The following CCNY variants were observed in gnomAD, a reference collection of about 807,000 sequenced individuals.
CCNY encodes cyclin-Y.
In CCNY, 19 loss-of-function variants were observed where a neutral mutation model predicts 42.8. That is an observed-to-expected ratio of 0.44 (90% CI 0.31 to 0.65). The LOEUF is 0.65. Ranked by LOEUF, CCNY falls within the 30% of genes least tolerant of loss-of-function variation. The pLI, the probability that CCNY is intolerant of heterozygous loss-of-function variation, is 0.07. For missense variants in CCNY, 370 were observed against 437.3 expected (o/e 0.85, Z 1.37); for synonymous variants, 165 against 162.7 (o/e 1.01, Z -0.11).
chr10:35,454,650 C>A (rs931283863), intron 1 of CCNY, among the ~76,000 whole-genome samples: 1 of 152,214 alleles, frequency 6.6e-6, no homozygotes, highest in Non-Finnish European at 1.5e-5. Context: ...TGCCTTTAAC[C>A]AGCCAGTGGG....
At chr10:35,478,725 A>G (rs1027648349) in intron 1 of CCNY, among the ~76,000 whole-genome samples, 4 of 152,226 alleles carry the variant, frequency 2.6e-5, no homozygotes, top group African/African-American at 4.8e-5. Context: ...GGACATAGGC[A>G]TGGGCAAGGA....
chr10:35,560,681 C>T (rs919860389), intron 8 of CCNY, among the ~76,000 whole-genome samples: 2 of 152,210 alleles, frequency 1.3e-5, no homozygotes, highest in Admixed American at 6.5e-5. Flanking sequence ...AATCTACATT[C>T]TAGGAGCTGC....
intron 2 of CCNY, among the ~76,000 whole-genome samples, chr10:35,485,175 A>G (rs1371699967): frequency 1.3e-5 from 2 of 152,158 alleles, no homozygotes; most frequent in African/African-American, 2.4e-5. Context: ...TGCCATTTCT[A>G]CCTCTCTCCC....
chr10:35,304,315 T>A (rs200178586), intron 3 of CCNY, among the ~76,000 whole-genome samples: 8,711 of 56,548 alleles, frequency 0.15, 2,747 homozygotes, highest in African/African-American at 0.5. Context: ...TTTTTTATTT[T>A]TTATTTTTTT....
At chr10:35,294,650 G>A (rs1217281807) in intron 3 of CCNY, among the ~76,000 whole-genome samples, 1 of 152,120 alleles carries the variant, frequency 6.6e-6, no homozygotes, top group Admixed American at 6.5e-5. Flanking sequence ...TATGTGGCTG[G>A]TTTCACTTTT....
intron 1 of CCNY, among the ~76,000 whole-genome samples, chr10:35,413,338 G>A (rs931898563): frequency 7.2e-5 from 11 of 152,128 alleles, no homozygotes; most frequent in South Asian, 2.1e-4. Context: ...AGTGGATATT[G>A]GTGACTGAAA....
chr10:35,440,786 T>C (rs1363347888), intron 1 of CCNY, among the ~76,000 whole-genome samples: 5 of 152,226 alleles, frequency 3.3e-5, no homozygotes, highest in Non-Finnish European at 5.9e-5. Flanking sequence ...AGTCCCTGCT[T>C]ATCTTTACTT....
At chr10:35,450,676 A>G (rs1194025719) in intron 1 of CCNY, among the ~76,000 whole-genome samples, 1 of 151,188 alleles carries the variant, frequency 6.6e-6, no homozygotes, top group Non-Finnish European at 1.5e-5. Context: ...TGGGGAGGCC[A>G]GTATTACCAG....
At chr10:35,357,614 A>G (rs757849360) in intron 1 of CCNY, among the ~76,000 whole-genome samples, 5 of 152,240 alleles carry the variant, frequency 3.3e-5, no homozygotes, top group Non-Finnish European at 7.3e-5. Context: ...GTGTCTGTTT[A>G]TCCCAGCATT....
chr10:35,396,667 T>C (rs938240632), intron 1 of CCNY, among the ~76,000 whole-genome samples: 1 of 152,196 alleles, frequency 6.6e-6, no homozygotes, highest in African/African-American at 2.4e-5. Flanking sequence ...CACCTAGGCC[T>C]CAGGGACGCT....
At chr10:35,262,774 T>C (rs895939076) in intron 3 of CCNY, among the ~76,000 whole-genome samples, 34 of 152,168 alleles carry the variant, frequency 2.2e-4, no homozygotes, top group Non-Finnish European at 3.2e-4. Flanking sequence ...AGAAAGCATC[T>C]TGAAGAAACA....
At chr10:35,404,212 G>C (rs1479674121) in intron 1 of CCNY, among the ~76,000 whole-genome samples, 1 of 152,206 alleles carries the variant, frequency 6.6e-6, no homozygotes, top group Non-Finnish European at 1.5e-5. Flanking sequence ...GGCGGCAGCA[G>C]CCACTGCACA....
intron 3 of CCNY, among the ~76,000 whole-genome samples, chr10:35,278,843 A>G (rs1458161700): frequency 2.0e-5 from 3 of 152,172 alleles, no homozygotes; most frequent in Non-Finnish European, 4.4e-5. Context: ...ACTGGCCCCG[A>G]GAGGGGATCC....
intron 1 of CCNY, among the ~76,000 whole-genome samples, chr10:35,348,454 C>CGTGT (rs1836354893): frequency 6.6e-6 from 1 of 152,218 alleles, no homozygotes; most frequent in Non-Finnish European, 1.5e-5. Context: ...TCTTAAGCAC[C>CGTGT]GTGTGTGCTC....
chr10:35,505,403 C>CA (rs112231407), intron 3 of CCNY, among the ~76,000 whole-genome samples: 1,753 of 130,508 alleles, frequency 0.013, 13 homozygotes, highest in East Asian at 0.046. Flanking sequence ...GTGTGATCCT[C>CA]AAAAAAAAAA....
chr10:35,394,859 G>T, intron 1 of CCNY: 1 of 985,026 alleles, frequency 1.0e-6, no homozygotes, highest in East Asian at 1.1e-4. Flanking sequence ...TTCATCACGG[G>T]CCCTCTCCTT....
At chr10:35,313,434 C>A (rs1164857365) in intron 3 of CCNY, among the ~76,000 whole-genome samples, 1 of 152,212 alleles carries the variant, frequency 6.6e-6, no homozygotes, top group Non-Finnish European at 1.5e-5. Context: ...TCTCTTTGCG[C>A]ATGTAACTGT....
intron 3 of CCNY, among the ~76,000 whole-genome samples, chr10:35,290,096 T>G (rs1295060259): frequency 1.3e-5 from 2 of 151,400 alleles, no homozygotes; most frequent in East Asian, 3.9e-4. Flanking sequence ...CGTGGTGGCA[T>G]GCGTTTGTAA....
chr10:35,567,437 CAG>C (rs1312295639), intron 9 of CCNY, among the ~76,000 whole-genome samples: 1 of 152,230 alleles, frequency 6.6e-6, no homozygotes, highest in Non-Finnish European at 1.5e-5. Context: ...ACCCCTCCTC[CAG>C]AGAGGGTGTG....
Sources: allele counts gnomAD v4.1 joint callset (sites outside exome capture counted in the v4.1 genomes callset), GRCh38; gene constraint gnomAD v4.1.1; transcripts MANE v1.5; gene names NCBI Gene and HGNC (gene_info 2026-07-23, HGNC 2026-07-21).